DOCK3: variants seen among roughly 807,000 people sequenced by gnomAD.
DOCK3 encodes the protein dedicator of cytokinesis 3.
A neutral mutation model predicts 265.6 loss-of-function variants in DOCK3; 60 were observed. The observed-to-expected ratio is 0.23, with a 90% CI of 0.18 to 0.28. The LOEUF (loss-of-function observed/expected upper bound fraction) is 0.28, where lower values mean the gene tolerates loss of function less well. DOCK3 is among the 10% of genes least tolerant of loss of function. The probability of loss-of-function intolerance (pLI) is 1.00; values close to 1 mark genes in which losing one functional copy is unlikely to be tolerated. For synonymous variants in DOCK3, 881 were observed against 938.0 expected, an observed-to-expected ratio of 0.94 and a Z score of 1.11; for missense variants, 1,981 against 2,594.3, an observed-to-expected ratio of 0.76 and a Z score of 5.14.
intron 1 of DOCK3, among the ~76,000 whole-genome samples, chr3:50,718,820 T>C (rs1206425044): frequency 7.7e-6 from 1 of 129,422 alleles, no homozygotes; most frequent in Non-Finnish European, 1.6e-5. Context: ...AATCTTGCTC[T>C]GTCACCCAGG....
chr3:50,806,047 C>CAT (rs1436667286), intron 2 of DOCK3, among the ~76,000 whole-genome samples: 1 of 151,730 alleles, frequency 6.6e-6, no homozygotes, highest in African/African-American at 2.4e-5. Flanking sequence ...GGGTGGCCCA[C>CAT]AGGGCTGTTT....
At chr3:50,837,272 G>A (rs2045566247) in intron 2 of DOCK3, among the ~76,000 whole-genome samples, 1 of 152,130 alleles carries the variant, frequency 6.6e-6, no homozygotes, top group Non-Finnish European at 1.5e-5. Context: ...TAGTGTATTA[G>A]TCTGTTCTCA....
intron 39 of DOCK3, 67 bp from the exon 40 acceptor site, chr3:51,350,218 TGGG>T: frequency 7.3e-7 from 1 of 1,375,408 alleles, no homozygotes; most frequent in Non-Finnish European, 1.0e-6. Context: ...AGTGTCCAGT[TGGG>T]CCTGGGAGAA....
rs547957123 is a variant in DOCK3, at chr3:50,863,618, T to G, written c.162+21903T>G. Among the ~76,000 whole-genome samples the G allele has an allele frequency of 6.6e-5, 10 of 152,248 alleles. No individual in the cohort carries two copies. In the South Asian group the frequency reaches 1.9e-3, roughly 28 times the overall value. The stretch of plus-strand genomic sequence containing the variant: ...ACAAGTCCTGGCTACTTTTTCTCAG[T>G]TTTTCTTTTGGGATTTGTCCGTTCA... On this transcript the variant is annotated intron_variant, in intron 3 of 52. Transcript: ENST00000266037.
At chr3:51,266,428 A>ATG (rs2080172232) in intron 23 of DOCK3, among the ~76,000 whole-genome samples, 1 of 152,254 alleles carries the variant, frequency 6.6e-6, no homozygotes. Context: ...ACTTCAAACT[A>ATG]TACTACAAGG....
intron 1 of DOCK3, among the ~76,000 whole-genome samples, chr3:50,773,108 A>G (rs1037487179): frequency 5.9e-5 from 9 of 152,210 alleles, no homozygotes; most frequent in Admixed American, 5.9e-4. Flanking sequence ...ACAATGGAAC[A>G]GAATAGAGAA....
At chr3:51,071,407 A>G (rs921685377) in intron 6 of DOCK3, among the ~76,000 whole-genome samples, 2 of 152,210 alleles carry the variant, frequency 1.3e-5, no homozygotes, top group Non-Finnish European at 2.9e-5. Flanking sequence ...TCTGTGCTAC[A>G]TCTGTATGTA....
chr3:50,777,213 C>T (rs927495383), intron 1 of DOCK3, among the ~76,000 whole-genome samples: 2 of 151,966 alleles, frequency 1.3e-5, no homozygotes, highest in Admixed American at 1.3e-4. Context: ...TTTTTTTTCC[C>T]AGCTTATGTT....
chr3:50,978,880 A>G (rs1001415481), intron 5 of DOCK3, among the ~76,000 whole-genome samples: 4 of 152,160 alleles, frequency 2.6e-5, no homozygotes, highest in Admixed American at 1.3e-4. Flanking sequence ...GGAAAAGCGC[A>G]GTATTCGGGT....
chr3:51,302,709 C>G (rs1366717956), intron 27 of DOCK3, among the ~76,000 whole-genome samples: 4 of 152,066 alleles, frequency 2.6e-5, no homozygotes, highest in Non-Finnish European at 5.9e-5. Context: ...AAACTCTGGG[C>G]TGGAAATTCT....
At chr3:50,787,733 T>C in intron 2 of DOCK3, 5 of 1,222,600 alleles carry the variant, frequency 4.1e-6, no homozygotes, top group Non-Finnish European at 5.9e-6. Flanking sequence ...TCTGTAACGC[T>C]GACTTTCTCT....
At chr3:51,107,713 C>T (rs4309762) in intron 9 of DOCK3, among the ~76,000 whole-genome samples, 137,236 of 152,278 alleles carry the variant, frequency 0.9, 62,035 homozygotes, top group African/African-American at 0.95. Context: ...CTGCAACTCA[C>T]TGGCATCCCT....
chr3:51,249,430 T>A (rs1387035678), intron 22 of DOCK3, among the ~76,000 whole-genome samples: 2 of 109,672 alleles, frequency 1.8e-5, no homozygotes, highest in African/African-American at 7.3e-5. Flanking sequence ...GAGGGGCGCC[T>A]CTGTCCGGCC....
At chr3:50,836,160 C>G (rs2045497104) in intron 2 of DOCK3, among the ~76,000 whole-genome samples, 1 of 152,186 alleles carries the variant, frequency 6.6e-6, no homozygotes, top group South Asian at 2.1e-4. Context: ...TCCTGGGGAT[C>G]CCATTCTGGA....
At chr3:51,290,690 T>G (rs974593031) in intron 27 of DOCK3, among the ~76,000 whole-genome samples, 8 of 152,032 alleles carry the variant, frequency 5.3e-5, no homozygotes, top group Middle Eastern at 3.4e-3. Flanking sequence ...ATAATATATA[T>G]ATAAAAGAAA....
At chr3:51,148,592 C>A (rs751816242) in intron 10 of DOCK3, among the ~76,000 whole-genome samples, 5 of 152,080 alleles carry the variant, frequency 3.3e-5, no homozygotes, top group African/African-American at 4.8e-5. Context: ...CCATTTATTA[C>A]ATAGGGAATC....
chr3:51,276,483 G>A, intron 25 of DOCK3: 2 of 967,846 alleles, frequency 2.1e-6, no homozygotes, highest in Non-Finnish European at 2.5e-6. Context: ...GTGTTTGTGG[G>A]GCTAGAGTCA....
chr3:51,221,722 C>T (rs1468024021), intron 14 of DOCK3, among the ~76,000 whole-genome samples: 1 of 152,202 alleles, frequency 6.6e-6, no homozygotes, highest in Non-Finnish European at 1.5e-5. Flanking sequence ...CAATGTAAGG[C>T]ATTACTGATG....
At chr3:50,793,902 C>T (rs907709767) in intron 2 of DOCK3, among the ~76,000 whole-genome samples, 2 of 152,140 alleles carry the variant, frequency 1.3e-5, no homozygotes, top group African/African-American at 4.8e-5. Flanking sequence ...ACTGCCTTAG[C>T]TGTGTCCCAG....
Sources: allele counts gnomAD v4.1 joint callset (sites outside exome capture counted in the v4.1 genomes callset), GRCh38; gene constraint gnomAD v4.1.1; transcripts MANE v1.5; gene names NCBI Gene and HGNC (gene_info 2026-07-23, HGNC 2026-07-21).